TRRAP: variants seen among roughly 807,000 people sequenced by gnomAD.
The protein encoded by TRRAP is transformation/transcription domain-associated protein.
TRRAP carries 41 observed loss-of-function variants against 438.8 expected under a neutral mutation model. The ratio of observed to expected loss-of-function variants is 0.09; its 90% confidence interval spans 0.07 to 0.12. The LOEUF (loss-of-function observed/expected upper bound fraction) is 0.12, where lower values mean the gene tolerates loss of function less well. TRRAP is among the 10% of genes least tolerant of loss of function. The probability of loss-of-function intolerance (pLI) is 1.00; values close to 1 mark genes in which losing one functional copy is unlikely to be tolerated. For synonymous variants in TRRAP, 1,994 were observed against 1,962.9 expected (o/e 1.02, Z -0.42); for missense variants, 3,122 against 5,055.1 (o/e 0.62, Z 11.60).
intron 6 of TRRAP, 98 bp downstream of exon 6, chr7:98,893,979 T>G: frequency 9.4e-7 from 1 of 1,058,418 alleles, no homozygotes; most frequent in South Asian, 1.4e-5. Flanking sequence ...ACACATACTG[T>G]TTTCAAGTGT....
At chr7:98,925,362 C>A (rs1406458095) in intron 22 of TRRAP, 99 bp downstream of exon 22, 1 of 1,495,708 alleles carries the variant, frequency 6.7e-7, no homozygotes, top group East Asian at 2.3e-5. Context: ...GGAGCAGGCT[C>A]CTTGAAGTCC....
intron 56 of TRRAP, among the ~76,000 whole-genome samples, chr7:98,977,428 G>A (rs1175428547): frequency 1.3e-5 from 2 of 152,172 alleles, no homozygotes; most frequent in South Asian, 4.1e-4. Flanking sequence ...CAAAGTGCTA[G>A]GATTACAGGT....
chr7:98,897,054 G>A (rs1478881205), intron 7 of TRRAP, among the ~76,000 whole-genome samples: 1 of 152,126 alleles, frequency 6.6e-6, no homozygotes, highest in African/African-American at 2.4e-5. Flanking sequence ...GGCCAACGTG[G>A]TGAAACCCCG....
chr7:98,955,846 G>A (rs1791575089), intron 41 of TRRAP, among the ~76,000 whole-genome samples: 1 of 151,998 alleles, frequency 6.6e-6, no homozygotes, highest in South Asian at 2.1e-4. Context: ...TTTGATACAT[G>A]TGATTAGACT....
At chr7:98,927,408 A>G in intron 23 of TRRAP, 42 bp downstream of exon 23, 2 of 1,603,078 alleles carry the variant, frequency 1.2e-6, no homozygotes, top group Non-Finnish European at 1.7e-6. Flanking sequence ...TGGTTCTTTG[A>G]CTTTTATAGG....
At chr7:98,899,363 T>G (rs1796369180) in intron 8 of TRRAP, 59 bp from the exon 9 acceptor site, 17 of 1,448,290 alleles carry the variant, frequency 1.2e-5, no homozygotes, top group Non-Finnish European at 1.6e-5. Context: ...TGGGCACTGG[T>G]GGGGGCTATT....
At chr7:98,975,645 C>T (rs1386546433) in intron 53 of TRRAP, among the ~76,000 whole-genome samples, 5 of 152,244 alleles carry the variant, frequency 3.3e-5, no homozygotes, top group Non-Finnish European at 7.3e-5. Context: ...CAGTCCGTCT[C>T]GGTCATTTTC....
chr7:98,947,266 C>G (rs905244782), intron 33 of TRRAP, among the ~76,000 whole-genome samples: 1 of 152,240 alleles, frequency 6.6e-6, no homozygotes, highest in Non-Finnish European at 1.5e-5. Context: ...ATGCAGCACC[C>G]TTGGCATTTC....
intron 24 of TRRAP, 150 bp from the exon 25 acceptor site, chr7:98,930,483 C>G: frequency 9.1e-7 from 1 of 1,096,102 alleles, no homozygotes; most frequent in Non-Finnish European, 1.3e-6. Context: ...GAGGCTAAGG[C>G]AGGAGAATCA....
Position 98,976,717 on chromosome 7 carries a change from C to A in TRRAP, c.8194C>A (p.Pro2732Thr). The A allele has an allele frequency of 6.2e-7, 1 of 1,614,044 alleles. No homozygotes were observed. The change falls in exon 55 of 73, where the codon CCG (proline) becomes ACG (threonine). Residue 2732 changes from proline (P) to threonine (T), a missense_variant. Physicochemically the swap from Pro to Thr is conservative, Grantham distance 38 (BLOSUM62 -1). Around this residue, in one of 24 missense-constraint regions of TRRAP, gnomAD observed 992 missense variants for 1,281.2 expected, o/e 0.77. Transcript: ENST00000456197. The surrounding 1 kb of genome is among the most constrained non-coding windows in gnomAD (Gnocchi z 4.6). ...AAAGGGTCTGAGTCTTCAGATTAAG[C>A]CGAAGCAAACAACGGAGTTTTATGA... The part of the protein sequence containing the change: ...FEKGLSLQIK[P>T]KQTTEFYEQE...
At chr7:98,898,578 GT>G (rs782264218) in intron 8 of TRRAP, among the ~76,000 whole-genome samples, 20 of 152,064 alleles carry the variant, frequency 1.3e-4, no homozygotes, top group South Asian at 4.1e-4. Context: ...TTAGAAATTT[GT>G]TTTCTGAGTA....
intron 6 of TRRAP, 25 bp downstream of exon 6, chr7:98,893,906 C>T (rs368683633): frequency 6.2e-7 from 1 of 1,606,752 alleles, no homozygotes; most frequent in Non-Finnish European, 8.5e-7. Flanking sequence ...ATCCTTATAG[C>T]ATTTATAAAG....
rs975988456 is a variant in TRRAP, at chr7:98,953,555, A to T, written c.5730+122A>T. ...TCCCAAAACCAATAAAAACCATGAA[A>T]ACACAGACACTGTATGATTCCACTT... On this transcript the variant is annotated intron_variant, in intron 40 of 72. Coordinates refer to ENST00000456197, the MANE Select transcript of TRRAP (RefSeq NM_001375524.1). The T allele has an allele frequency of 9.4e-6, 13 of 1,383,160 alleles. No individual in the cohort carries two copies. The African/African-American group carries it at 1.7e-4, about 18-fold the overall frequency. The allele number at this position is 1,383,160 out of a possible 1,614,324, so 85.7% of individuals were successfully genotyped here.
chr7:98,939,804 T>G (rs1355016878), intron 30 of TRRAP, among the ~76,000 whole-genome samples: 1 of 152,262 alleles, frequency 6.6e-6, no homozygotes, highest in Non-Finnish European at 1.5e-5. Context: ...CTTTTGTGTA[T>G]GTCTCCTCTT....
At chr7:99,009,944 A>G (rs1371831602) in intron 70 of TRRAP, among the ~76,000 whole-genome samples, 4 of 137,956 alleles carry the variant, frequency 2.9e-5, no homozygotes, top group African/African-American at 8.5e-5. Flanking sequence ...CTGGAGTGCA[A>G]TGGCGCGATC....
chr7:98,950,377 C>T (rs781789548), intron 38 of TRRAP, 115 bp downstream of exon 38: 10 of 1,233,938 alleles, frequency 8.1e-6, no homozygotes, highest in Non-Finnish European at 1.1e-5. Context: ...GTAGAGTGAG[C>T]CAGGTGCTGT....
chr7:98,966,451 G>A (rs1379861889), intron 49 of TRRAP, among the ~76,000 whole-genome samples: 4 of 152,016 alleles, frequency 2.6e-5, no homozygotes, highest in African/African-American at 4.8e-5. Flanking sequence ...TTGGGAGACC[G>A]AGGCAGGTGG....
intron 67 of TRRAP, among the ~76,000 whole-genome samples, chr7:98,997,603 C>G (rs1793731025): frequency 6.7e-6 from 1 of 148,474 alleles, no homozygotes; most frequent in Non-Finnish European, 1.5e-5. Context: ...GTGGTATAGA[C>G]AGGCTCAAAA....
intron 67 of TRRAP, among the ~76,000 whole-genome samples, 178 bp from the exon 68 acceptor site, chr7:99,004,012 G>A (rs1281704304): frequency 6.6e-6 from 1 of 152,204 alleles, no homozygotes; most frequent in Non-Finnish European, 1.5e-5. Context: ...GGCGGACGTT[G>A]CAGTGAGCGG....
Sources: allele counts gnomAD v4.1 joint callset (sites outside exome capture counted in the v4.1 genomes callset), GRCh38; gene constraint gnomAD v4.1.1; regional missense constraint gnomAD v4.1.1; non-coding constraint Gnocchi (gnomAD v3.1); transcripts MANE v1.5; gene names NCBI Gene and HGNC (gene_info 2026-07-23, HGNC 2026-07-21).